FNBP1: variants seen among roughly 807,000 people sequenced by gnomAD.
The protein encoded by FNBP1 is formin binding protein 1, also known as formin-binding protein 1.
Under a neutral mutation model 90.6 loss-of-function variants are expected in FNBP1, and 26 were observed. That is an observed-to-expected ratio of 0.29 (90% CI 0.21 to 0.40). The LOEUF (loss-of-function observed/expected upper bound fraction) is 0.40. Among genes scored for constraint, FNBP1 ranks in the 10% least tolerant of loss-of-function variants. The probability of loss-of-function intolerance (pLI) is 1.00; values close to 1 mark genes in which losing one functional copy is unlikely to be tolerated. For missense variants in FNBP1, 635 were observed against 768.0 expected (o/e 0.83, Z 2.05); for synonymous variants, 260 against 265.2 (o/e 0.98, Z 0.19).
intron 6 of FNBP1, among the ~76,000 whole-genome samples, chr9:129,936,130 T>C (rs957141872): frequency 6.6e-6 from 1 of 152,206 alleles, no homozygotes; most frequent in Non-Finnish European, 1.5e-5. Context: ...TGCCCACCTT[T>C]TGTCACCAAA....
At chr9:129,925,753 C>T (rs1212436028) in intron 8 of FNBP1, among the ~76,000 whole-genome samples, 2 of 150,524 alleles carry the variant, frequency 1.3e-5, no homozygotes, top group Non-Finnish European at 3.0e-5. Context: ...GCCATCATGC[C>T]TAGCTAATTT....
At chr9:130,043,429 C>A (rs2060007428), upstream of FNBP1, among the ~76,000 whole-genome samples, 1 of 152,232 alleles carries the variant, frequency 6.6e-6, no homozygotes, top group Non-Finnish European at 1.5e-5. Flanking sequence ...GTAATGACTT[C>A]TTAGTGACCA....
intron 4 of FNBP1, among the ~76,000 whole-genome samples, chr9:129,976,330 C>CA: frequency 6.6e-6 from 1 of 152,242 alleles, no homozygotes; most frequent in Non-Finnish European, 1.5e-5. Context: ...CTGAGACAAC[C>CA]AAAAGTGTCT....
At chr9:130,026,493 C>CA (rs1043413335) in intron 1 of FNBP1, among the ~76,000 whole-genome samples, 7 of 151,524 alleles carry the variant, frequency 4.6e-5, no homozygotes, top group Non-Finnish European at 8.8e-5. Flanking sequence ...GACTCTATCT[C>CA]AAAAAAACAA....
chr9:130,023,955 C>A (rs1200563634), intron 1 of FNBP1, among the ~76,000 whole-genome samples: 1 of 152,158 alleles, frequency 6.6e-6, no homozygotes, highest in Non-Finnish European at 1.5e-5. Context: ...CTTTACTCTC[C>A]CTGTGAGCTG....
intron 2 of FNBP1, among the ~76,000 whole-genome samples, chr9:129,980,610 G>C (rs1180066400): frequency 6.9e-6 from 1 of 144,302 alleles, no homozygotes; most frequent in Non-Finnish European, 1.5e-5. Flanking sequence ...TCCATGTTAA[G>C]AATCTAAATA....
chr9:129,899,815 G>A, intron 15 of FNBP1, 150 bp downstream of exon 15: 4 of 582,934 alleles, frequency 6.9e-6, no homozygotes, highest in East Asian at 6.2e-5. Context: ...GAAGGGGAAG[G>A]GGAAGGGGAA....
chr9:129,940,538 A>G (rs570330190), intron 6 of FNBP1, among the ~76,000 whole-genome samples: 2 of 152,230 alleles, frequency 1.3e-5, no homozygotes, highest in East Asian at 3.9e-4. Context: ...TTTCACACAC[A>G]TCTAATATGA....
rs557107324 is a variant in FNBP1 at position 129,997,332 on chromosome 9, A to T, written c.25-2374T>A. Among the ~76,000 whole-genome samples the T allele has an allele frequency of 2.0e-5, 3 of 152,290 alleles. No homozygotes were observed. The South Asian group carries it at 6.2e-4, about 32-fold the overall frequency. The stretch of plus-strand genomic sequence containing the variant: ...GACAGAATGAGACTATGTCTCAAAA[A>T]ATTAAATACAAAATTATAAAACAAA... On this transcript the variant is annotated intron_variant, in intron 1 of 16. Transcript: ENST00000446176.
the FNBP1 span, chr9:130,053,638 A>G: frequency 8.7e-6 from 4 of 458,730 alleles, no homozygotes; most frequent in Admixed American, 4.0e-5. Context: ...TCCAAAGCTC[A>G]GCGAGGCGGA....
At chr9:129,999,227 G>A (rs1044279416) in intron 1 of FNBP1, among the ~76,000 whole-genome samples, 8 of 152,256 alleles carry the variant, frequency 5.3e-5, no homozygotes, top group Non-Finnish European at 1.2e-4. Flanking sequence ...TGGGGATGGT[G>A]TCATCAAAAA....
At chr9:129,952,136 G>A (rs1394129960) in intron 6 of FNBP1, among the ~76,000 whole-genome samples, 2 of 152,022 alleles carry the variant, frequency 1.3e-5, no homozygotes, top group African/African-American at 4.8e-5. Context: ...AGGTTGCGAT[G>A]AGCTGAGATT....
intron 4 of FNBP1, 70 bp downstream of exon 4, chr9:129,978,395 A>T: frequency 7.9e-7 from 1 of 1,270,546 alleles, no homozygotes; most frequent in Non-Finnish European, 1.1e-6. Flanking sequence ...ATTTAATTTT[A>T]ATCTTCTAGG....
At chr9:129,973,792 C>T (rs2049868842) in intron 4 of FNBP1, among the ~76,000 whole-genome samples, 3 of 149,632 alleles carry the variant, frequency 2.0e-5, no homozygotes, top group South Asian at 2.1e-4. Context: ...CATGAGCCAC[C>T]GCGCCTGGCC....
At chr9:129,962,982 C>T (rs1162394830) in intron 4 of FNBP1, among the ~76,000 whole-genome samples, 1 of 152,134 alleles carries the variant, frequency 6.6e-6, no homozygotes, top group Non-Finnish European at 1.5e-5. Flanking sequence ...AAGTCTTTAT[C>T]GGGTGACTTC....
intron 16 of FNBP1, among the ~76,000 whole-genome samples, chr9:129,891,452 G>A (rs903503048): frequency 2.6e-5 from 4 of 152,074 alleles, no homozygotes; most frequent in East Asian, 1.9e-4. Flanking sequence ...GCAACAGAGT[G>A]AGAATTCAAC....
In FNBP1 at chr9:129,903,420, T is replaced by A. The variant is rs578042141; in HGVS notation, c.1296-419A>T. On this transcript the variant is annotated intron_variant, in intron 12 of 16. Transcript: ENST00000446176. Reference sequence around the variant, plus strand: ...CCATATGAATGGAAACGTGGGAAGATTAGAGTATGGATAAGGGACTATTGG... The same window carrying A: ...CCATATGAATGGAAACGTGGGAAGAATAGAGTATGGATAAGGGACTATTGG... 4.6e-5 allele frequency among the ~76,000 whole-genome samples: 7 copies of A among 152,240 alleles called. No homozygotes were observed. In the East Asian group the frequency reaches 1.2e-3, roughly 25 times the overall value.
chr9:129,968,514 T>G (rs2048961633), intron 4 of FNBP1, among the ~76,000 whole-genome samples: 1 of 152,184 alleles, frequency 6.6e-6, no homozygotes, highest in African/African-American at 2.4e-5. Context: ...CTGTCATCTC[T>G]TATAACAACA....
intron 1 of FNBP1, among the ~76,000 whole-genome samples, chr9:130,017,983 G>T (rs7874329): frequency 2.2e-5 from 3 of 137,556 alleles, no homozygotes; most frequent in Non-Finnish European, 4.7e-5. Context: ...GTGCAATCTC[G>T]GCTCACTGCA....
Sources: gnomAD v4.1 joint callset for allele counts (sites outside exome capture counted in the v4.1 genomes callset) on GRCh38, gnomAD v4.1.1 for gene constraint, MANE v1.5 for transcripts, NCBI Gene and HGNC (gene_info 2026-07-23, HGNC 2026-07-21) for gene names.